ZC3H12C: variants seen among roughly 807,000 people sequenced by gnomAD.
ZC3H12C encodes the protein zinc finger CCCH-type containing 12C.
ZC3H12C carries 20 observed loss-of-function variants against 76.3 expected under a neutral mutation model. The ratio of observed to expected loss-of-function variants is 0.26; its 90% CI spans 0.18 to 0.38. The LOEUF (loss-of-function observed/expected upper bound fraction) is 0.38. Ranked by LOEUF, ZC3H12C falls within the 10% of genes least tolerant of loss-of-function variation. The pLI is 1.00. For synonymous variants in ZC3H12C, 352 were observed against 399.6 expected (o/e 0.88, Z 1.42); for missense variants, 874 against 1,086.5 (o/e 0.80, Z 2.75).
chr11:110,153,038 G>A lies in ZC3H12C; in HGVS notation c.893G>A (p.Arg298Gln), dbSNP rs1314262025. ...CCTGCTTGGAGGAAAGAGCAATCCC[G>A]ACCTGATGCTCTCATTACAGGTAGG... ...FVPAWRKEQSRPDALITDQEI... is the reference protein window; with the variant it reads ...FVPAWRKEQSQPDALITDQEI... Residue 298 changes from arginine (R) to glutamine (Q), a missense_variant, in exon 3 of 6, where the codon CGA (arginine) becomes CAA (glutamine). By Grantham distance (43) the Arg-to-Gln change is conservative (BLOSUM62 1). Transcript: ENST00000278590. 6 of 1,611,580 alleles carry A rather than the reference G, an allele frequency of 3.7e-6. No individual in the cohort carries two copies. Among genetic ancestry groups the A allele is most frequent in the South Asian group, 1.1e-5 (1 of 90,350 alleles).
intron 1 of ZC3H12C, among the ~76,000 whole-genome samples, chr11:110,128,402 T>C (rs1485282519): frequency 1.3e-5 from 2 of 152,190 alleles, no homozygotes; most frequent in Admixed American, 6.5e-5. Flanking sequence ...CAAAAAAGCT[T>C]AATCCAGTGC....
At chr11:110,145,978 GGTTTA>G (rs747267228) in intron 2 of ZC3H12C, among the ~76,000 whole-genome samples, 3 of 152,128 alleles carry the variant, frequency 2.0e-5, no homozygotes, top group African/African-American at 4.8e-5. Flanking sequence ...ATAACTTGTT[GGTTTA>G]GTTTAGTTTT....
At chr11:110,154,765 A>C (rs1173405124) in intron 3 of ZC3H12C, among the ~76,000 whole-genome samples, 1 of 56,244 alleles carries the variant, frequency 1.8e-5, no homozygotes, top group Admixed American at 2.3e-4. Context: ...ATAATTGGCA[A>C]GTTGCCTAAG....
chr11:110,113,983 C>G (rs1485062724), intron 1 of ZC3H12C, among the ~76,000 whole-genome samples: 1 of 152,142 alleles, frequency 6.6e-6, no homozygotes, highest in East Asian at 1.9e-4. Context: ...CATTACCTTG[C>G]TAAAATGTGG....
At chr11:110,144,093 T>C (rs1186708931) in intron 2 of ZC3H12C, among the ~76,000 whole-genome samples, 1 of 152,228 alleles carries the variant, frequency 6.6e-6, no homozygotes, top group Non-Finnish European at 1.5e-5. Flanking sequence ...ATAATTACCT[T>C]GATCTTTTGT....
intron 1 of ZC3H12C, among the ~76,000 whole-genome samples, chr11:110,105,278 T>C (rs941185009): frequency 1.2e-4 from 18 of 152,312 alleles, no homozygotes; most frequent in African/African-American, 4.1e-4. Context: ...GATGATCTTA[T>C]GTACTGGATA....
In ZC3H12C at chr11:110,152,969, A is replaced by G. The variant is rs1192773983; in HGVS notation, c.824A>G (p.Asp275Gly). 1 of 1,612,338 alleles carries G rather than the reference A, an allele frequency of 6.2e-7. No homozygotes were observed. The highest frequency in any genetic ancestry group is 1.1e-5 in the South Asian group (1 of 90,564). Residue 275 changes from aspartate to glycine, a missense_variant, in exon 3 of 6, where the codon GAT (aspartate) becomes GGT (glycine). This residue lies in a region of ZC3H12C where 269 missense variants were observed against 424.9 expected (regional missense o/e 0.63). Coordinates refer to ENST00000278590, the MANE Select transcript of ZC3H12C (RefSeq NM_033390.2). ...FSCRGIKLAVDWFLERGHKDI... is the reference protein window; with the variant it reads ...FSCRGIKLAVGWFLERGHKDI... ...TGCAGAGGAATAAAATTGGCAGTGG[A>G]TTGGTTTTTGGAAAGAGGCCACAAA... is the stretch of plus-strand genomic sequence containing the variant.
intron 2 of ZC3H12C, among the ~76,000 whole-genome samples, chr11:110,143,827 A>G (rs582846): frequency 0.051 from 7,745 of 152,166 alleles, 585 homozygotes; most frequent in African/African-American, 0.16. Context: ...CCAGCCTAAA[A>G]AGATACCTTT....
In ZC3H12C at chr11:110,159,240, G is replaced by C. The variant is rs373900166; in HGVS notation, c.914-16G>C. On this transcript the variant is annotated splice_polypyrimidine_tract_variant and intron_variant, in intron 3 of 5. Transcript: ENST00000278590. ...TGTATTTACTTTCTGCCATCCTACC[G>C]TCATTATTCTTGCAGATCAGGAAAT... 1 of 1,587,958 alleles carries C rather than the reference G, an allele frequency of 6.3e-7. No homozygotes were observed. Among genetic ancestry groups the C allele is most frequent in the Non-Finnish European group, 8.6e-7 (1 of 1,164,558 alleles).
At chr11:110,137,976 A>G (rs1383005055) in intron 2 of ZC3H12C, among the ~76,000 whole-genome samples, 1 of 152,078 alleles carries the variant, frequency 6.6e-6, no homozygotes, top group Admixed American at 6.6e-5. Flanking sequence ...TTTTTTGGCT[A>G]GGCAGGGTGT....
intron 1 of ZC3H12C, among the ~76,000 whole-genome samples, chr11:110,100,523 C>A (rs531208178): frequency 6.6e-6 from 1 of 152,264 alleles, no homozygotes; most frequent in Admixed American, 6.5e-5. Context: ...AGTCTGTCTG[C>A]GCCATTTTTC....
At chr11:110,124,436 A>C (rs1253870218) in intron 1 of ZC3H12C, among the ~76,000 whole-genome samples, 2 of 152,134 alleles carry the variant, frequency 1.3e-5, no homozygotes, top group African/African-American at 4.8e-5. Flanking sequence ...TACTATGTAG[A>C]TTATGGGAGA....
chr11:110,144,552 A>G (rs559476850), intron 2 of ZC3H12C, among the ~76,000 whole-genome samples: 5 of 152,176 alleles, frequency 3.3e-5, no homozygotes, highest in Non-Finnish European at 5.9e-5. Context: ...GTGCCATTCT[A>G]GGTACTTTGT....
At chr11:110,134,739 T>C (rs912486105) in intron 1 of ZC3H12C, among the ~76,000 whole-genome samples, 4 of 152,130 alleles carry the variant, frequency 2.6e-5, no homozygotes, top group Non-Finnish European at 5.9e-5. Context: ...GGAATTGATG[T>C]TTCTTTAAAA....
chr11:110,159,204 T>C, intron 3 of ZC3H12C, 52 bp from the exon 4 acceptor site: 1 of 1,396,020 alleles, frequency 7.2e-7, no homozygotes, highest in South Asian at 1.2e-5. Flanking sequence ...AGTTGCCATG[T>C]GTGTTATCTA....
At chr11:110,142,463 T>A (rs1862083700) in intron 2 of ZC3H12C, among the ~76,000 whole-genome samples, 1 of 152,204 alleles carries the variant, frequency 6.6e-6, no homozygotes, top group Non-Finnish European at 1.5e-5. Context: ...TAAGACCTTT[T>A]TACATCTACT....
At chr11:110,120,986 C>T (rs750560857) in intron 1 of ZC3H12C, among the ~76,000 whole-genome samples, 1 of 152,188 alleles carries the variant, frequency 6.6e-6, no homozygotes, top group Non-Finnish European at 1.5e-5. Flanking sequence ...GAAAGAAACT[C>T]TGAAGTCAAT....
At chr11:110,160,200 G>A (rs1200410064) in intron 4 of ZC3H12C, among the ~76,000 whole-genome samples, 3 of 152,210 alleles carry the variant, frequency 2.0e-5, no homozygotes, top group South Asian at 2.1e-4. Flanking sequence ...CTTGCAGGAC[G>A]GGAAGTTGTC....
At chr11:110,103,778 G>C (rs1861264998) in intron 1 of ZC3H12C, among the ~76,000 whole-genome samples, 1 of 151,892 alleles carries the variant, frequency 6.6e-6, no homozygotes, top group Non-Finnish European at 1.5e-5. Flanking sequence ...GCTAATTTTT[G>C]TATTTTATTA....
Sources: gnomAD v4.1 joint callset for allele counts (sites outside exome capture counted in the v4.1 genomes callset) on GRCh38, gnomAD v4.1.1 for gene constraint, gnomAD v4.1.1 regional missense constraint, MANE v1.5 for transcripts, NCBI Gene and HGNC (gene_info 2026-07-23, HGNC 2026-07-21) for gene names.